Variants in LINGO2 observed in about 807,000 individuals in gnomAD.
LINGO2 encodes leucine rich repeat and Ig domain containing 2.
Under a neutral mutation model 30.6 loss-of-function variants are expected in LINGO2, and 14 were observed. That is an observed-to-expected ratio of 0.46 (90% CI 0.30 to 0.72). The LOEUF (loss-of-function observed/expected upper bound fraction) is 0.72, where lower values mean the gene tolerates loss of function less well. LINGO2 is among the 30% of genes least tolerant of loss of function. The probability of loss-of-function intolerance (pLI) is 0.07; values close to 1 mark genes in which losing one functional copy is unlikely to be tolerated. For missense variants in LINGO2, 729 were observed against 751.7 expected (o/e 0.97, Z 0.35); for synonymous variants, 317 against 288.5 (o/e 1.10, Z -1.00).
At chr9:29,146,398 T>TGAA in the LINGO2 span, among the ~76,000 whole-genome samples, 1 of 152,016 alleles carries the variant, frequency 6.6e-6, no homozygotes, top group Non-Finnish European at 1.5e-5. Context: ...CTAAGACTTC[T>TGAA]GTGGGCCTTA....
the LINGO2 span, among the ~76,000 whole-genome samples, chr9:28,707,574 T>C: frequency 6.6e-6 from 1 of 152,104 alleles, no homozygotes; most frequent in Non-Finnish European, 1.5e-5. Flanking sequence ...CAGTGAAAAC[T>C]GATTCATTTT....
At chr9:28,521,504 T>C (rs1467308928) in intron 1 of LINGO2, among the ~76,000 whole-genome samples, 1 of 152,176 alleles carries the variant, frequency 6.6e-6, no homozygotes, top group Non-Finnish European at 1.5e-5. Flanking sequence ...ATGGTAGGCC[T>C]GTGGCAGCCA....
intron 1 of LINGO2, among the ~76,000 whole-genome samples, chr9:28,655,690 G>C (rs1194866412): frequency 6.6e-6 from 1 of 151,886 alleles, no homozygotes; most frequent in Non-Finnish European, 1.5e-5. Flanking sequence ...TAGTGAGTTA[G>C]TTCTCATGAG....
intron 1 of LINGO2, among the ~76,000 whole-genome samples, chr9:28,489,583 C>T (rs1826305972): frequency 6.6e-6 from 1 of 151,992 alleles, no homozygotes; most frequent in African/African-American, 2.4e-5. Flanking sequence ...AGTCCGTTAG[C>T]CACCTGCTAA....
At chr9:27,964,524 C>A (rs1185183193) in intron 5 of LINGO2, among the ~76,000 whole-genome samples, 2 of 151,992 alleles carry the variant, frequency 1.3e-5, no homozygotes, top group African/African-American at 2.4e-5. Context: ...TGATTTAATG[C>A]AATGAAATCG....
At chr9:28,693,192 A>G in the LINGO2 span, among the ~76,000 whole-genome samples, 1 of 152,096 alleles carries the variant, frequency 6.6e-6, no homozygotes, top group Non-Finnish European at 1.5e-5. Context: ...GTTGTATTTT[A>G]CATGTGATTT....
At chr9:29,083,528 A>G in the LINGO2 span, among the ~76,000 whole-genome samples, 1 of 152,006 alleles carries the variant, frequency 6.6e-6, no homozygotes, top group Non-Finnish European at 1.5e-5. Context: ...ACATGTATAC[A>G]TATGTAACAA....
At chr9:28,967,930 C>T in the LINGO2 span, among the ~76,000 whole-genome samples, 1 of 152,146 alleles carries the variant, frequency 6.6e-6, no homozygotes, top group African/African-American at 2.4e-5. Context: ...GAAGTTTTAT[C>T]AAAACCCTAA....
the LINGO2 span, among the ~76,000 whole-genome samples, chr9:29,068,948 T>G: frequency 4.6e-5 from 7 of 151,872 alleles, no homozygotes; most frequent in Non-Finnish European, 8.8e-5. Context: ...GGCAATACTA[T>G]AAACATATCT....
At chr9:28,202,612 A>ATG (rs1352130831) in intron 4 of LINGO2, among the ~76,000 whole-genome samples, 2 of 152,072 alleles carry the variant, frequency 1.3e-5, no homozygotes, top group Non-Finnish European at 1.5e-5. Context: ...TGTCATATAT[A>ATG]TTGTTTAGAA....
chr9:28,700,822 A>G, the LINGO2 span, among the ~76,000 whole-genome samples: 3 of 152,050 alleles, frequency 2.0e-5, no homozygotes, highest in East Asian at 5.8e-4. Context: ...TGGTGTTGTC[A>G]CCATTCTGGA....
At chr9:28,370,273 T>C (rs781478866) in intron 3 of LINGO2, among the ~76,000 whole-genome samples, 18 of 152,156 alleles carry the variant, frequency 1.2e-4, no homozygotes, top group Non-Finnish European at 7.4e-5. Flanking sequence ...CTGCAAATCA[T>C]TAAACCCACA....
intron 2 of LINGO2, among the ~76,000 whole-genome samples, chr9:28,474,362 C>G (rs950232386): frequency 6.6e-6 from 1 of 151,660 alleles, no homozygotes; most frequent in Admixed American, 6.6e-5. Flanking sequence ...CTCCTAAATA[C>G]AGCTTAACTT....
At chr9:28,131,434 A>G (rs1827375861) in intron 4 of LINGO2, among the ~76,000 whole-genome samples, 1 of 152,122 alleles carries the variant, frequency 6.6e-6, no homozygotes, top group African/African-American at 2.4e-5. Flanking sequence ...AATAAACTTA[A>G]TCTCTTTTAA....
chr9:28,995,705 T>G, the LINGO2 span, among the ~76,000 whole-genome samples: 1 of 152,024 alleles, frequency 6.6e-6, no homozygotes, highest in Non-Finnish European at 1.5e-5. Context: ...AAATGATGAG[T>G]TCATGTCCTT....
At chr9:28,580,546 GC>G (rs869224000) in intron 1 of LINGO2, among the ~76,000 whole-genome samples, 1 of 149,466 alleles carries the variant, frequency 6.7e-6, no homozygotes, top group Admixed American at 6.7e-5. Context: ...TTGACCACTT[GC>G]TGTTTTTGGT....
the LINGO2 span, among the ~76,000 whole-genome samples, chr9:29,173,698 T>C: frequency 2.0e-5 from 3 of 152,084 alleles, no homozygotes; most frequent in Non-Finnish European, 4.4e-5. Flanking sequence ...AAATTAAGTG[T>C]CATGAAGAAA....
chr9:27,987,548 T>G lies in LINGO2; in HGVS notation c.-36+24807A>C, dbSNP rs758129705. On this transcript the variant is annotated intron_variant, in intron 5 of 5. Transcript: ENST00000379992. ...CAATAGCTCTAGATCACTGTTAGAT[T>G]AAATAAACAAGATATTTGGTTTGAA... 6.8e-4 allele frequency among the ~76,000 whole-genome samples: 103 copies of G among 151,916 alleles called. 1 individual carries two copies. Among genetic ancestry groups the G allele is most frequent in the Non-Finnish European group, 5.2e-4 (35 of 67,910 alleles).
intron 4 of LINGO2, among the ~76,000 whole-genome samples, chr9:28,119,568 C>T (rs948015865): frequency 3.0e-4 from 45 of 152,170 alleles, no homozygotes; most frequent in African/African-American, 1.0e-3. Context: ...GTGGCTGGCA[C>T]AAAGTAAACA....
Sources: allele counts gnomAD v4.1 joint callset (sites outside exome capture counted in the v4.1 genomes callset), GRCh38; gene constraint gnomAD v4.1.1; transcripts MANE v1.5; gene names NCBI Gene and HGNC (gene_info 2026-07-23, HGNC 2026-07-21).